AJAP1: variants seen among roughly 807,000 people sequenced by gnomAD.
The protein encoded by AJAP1 is adherens junctions associated protein 1, also known as adherens junction-associated protein 1.
AJAP1 carries 5 observed loss-of-function variants against 35.0 expected under a neutral mutation model. The ratio of observed to expected loss-of-function variants is 0.14; its 90% CI spans 0.07 to 0.30. The LOEUF (loss-of-function observed/expected upper bound fraction) is 0.30, where lower values mean the gene tolerates loss of function less well. Ranked by LOEUF, AJAP1 falls within the 10% of genes least tolerant of loss-of-function variation. The probability of loss-of-function intolerance (pLI) is 1.00; values close to 1 mark genes in which losing one functional copy is unlikely to be tolerated. For synonymous variants in AJAP1, 284 were observed against 249.3 expected (o/e 1.14, Z -1.31); for missense variants, 586 against 571.0 (o/e 1.03, Z -0.27).
In AJAP1 at chr1:4,655,804, G is replaced by T. The variant is rs1000419354; in HGVS notation, c.29+350G>T. 4.0e-5 allele frequency among the ~76,000 whole-genome samples: 6 copies of T among 148,944 alleles called. No individual in the cohort carries two copies. Among genetic ancestry groups the T allele is most frequent in the Non-Finnish European group, 9.0e-5 (6 of 66,892 alleles). On this transcript the variant is annotated intron_variant, in intron 1 of 5. Coordinates refer to ENST00000378191, the MANE Select transcript of AJAP1 (RefSeq NM_018836.4). The surrounding 1 kb of genome is among the most constrained non-coding windows in gnomAD (Gnocchi z 6.9). ...CGGCGCGCCTCCTCCCCGGGGCCCGGGGCGAGGCGCCGGCCGCTGGGCGCG... is the reference window on the plus strand; with the variant it reads ...CGGCGCGCCTCCTCCCCGGGGCCCGTGGCGAGGCGCCGGCCGCTGGGCGCG...
At chr1:4,765,091 C>T (rs143136915) in intron 2 of AJAP1, among the ~76,000 whole-genome samples, 34 of 152,206 alleles carry the variant, frequency 2.2e-4, no homozygotes, top group Non-Finnish European at 4.3e-4. Context: ...TATACAGTGG[C>T]GATTAACAGA....
chr1:4,745,644 G>A (rs1303460401), intron 2 of AJAP1, among the ~76,000 whole-genome samples: 1 of 152,218 alleles, frequency 6.6e-6, no homozygotes, highest in Non-Finnish European at 1.5e-5. Context: ...CCAGAGCACA[G>A]AGGATGGGAG....
chr1:4,766,519 A>G (rs1179767457), intron 2 of AJAP1, among the ~76,000 whole-genome samples: 3 of 152,164 alleles, frequency 2.0e-5, no homozygotes, highest in Admixed American at 6.5e-5. Context: ...GCTTCCTAGA[A>G]ATATTATTGG....
At chr1:4,698,840 C>T (rs997712156) in intron 1 of AJAP1, among the ~76,000 whole-genome samples, 5 of 152,210 alleles carry the variant, frequency 3.3e-5, no homozygotes, top group African/African-American at 1.2e-4. Flanking sequence ...CACACTGAGC[C>T]CCTCTCAGTG....
chr1:4,735,690 G>A (rs1414882338), intron 2 of AJAP1, among the ~76,000 whole-genome samples: 1 of 152,046 alleles, frequency 6.6e-6, no homozygotes, highest in Non-Finnish European at 1.5e-5. Flanking sequence ...CTGCTCCTCT[G>A]CTCCCTGAAG....
Position 4,655,647 on chromosome 1 carries a change from G to A in AJAP1, c.29+193G>A, listed in dbSNP as rs1312396319. Among the ~76,000 whole-genome samples the A allele has an allele frequency of 1.3e-5, 2 of 151,218 alleles. No homozygotes were observed. The highest frequency in any genetic ancestry group is 4.8e-5 in the African/African-American group (2 of 41,324). The stretch of plus-strand genomic sequence containing the variant: ...CAGCACCGCGGCCCTGGCGGGGAGC[G>A]GCCGGGTCTCCAGGGTTCCGCGCGT... On this transcript the variant is annotated intron_variant, in intron 1 of 5. Transcript: ENST00000378191. This position sits in a 1 kb window ranked among gnomAD's most constrained non-coding sequence, Gnocchi z 6.9.
chr1:4,668,977 TC>T (rs1639195084), intron 1 of AJAP1, among the ~76,000 whole-genome samples: 4 of 152,140 alleles, frequency 2.6e-5, no homozygotes, highest in Non-Finnish European at 5.9e-5. Flanking sequence ...ATAGTCAGAG[TC>T]AGTCAATGAG....
chr1:4,689,310 G>A (rs554214023), intron 1 of AJAP1, among the ~76,000 whole-genome samples: 2 of 152,300 alleles, frequency 1.3e-5, no homozygotes, highest in East Asian at 1.9e-4. Context: ...AGGGTTGCCC[G>A]ATTAACAACT....
At chr1:4,664,028 C>A (rs1002496618) in intron 1 of AJAP1, among the ~76,000 whole-genome samples, 1 of 152,128 alleles carries the variant, frequency 6.6e-6, no homozygotes, top group African/African-American at 2.4e-5. Context: ...ATGTAGCAGG[C>A]ACTGTTCTAT....
chr1:4,769,783 C>A, intron 2 of AJAP1, 70 bp from the exon 3 acceptor site: 1 of 1,391,472 alleles, frequency 7.2e-7, no homozygotes, highest in Non-Finnish European at 1.0e-6. Context: ...GCACCTCCAC[C>A]TTTCCCGGCC....
chr1:4,679,741 C>T (rs1471534523), intron 1 of AJAP1, among the ~76,000 whole-genome samples: 1 of 151,820 alleles, frequency 6.6e-6, no homozygotes, highest in Non-Finnish European at 1.5e-5. Flanking sequence ...CCACATGTGT[C>T]CTTGCCTCTT....
chr1:4,695,549 G>T (rs1029357249), intron 1 of AJAP1, among the ~76,000 whole-genome samples: 1 of 152,180 alleles, frequency 6.6e-6, no homozygotes, highest in Non-Finnish European at 1.5e-5. Flanking sequence ...CCTGGCTGCT[G>T]TGAGAAAGTA....
At chr1:4,746,157 G>C (rs559913520) in intron 2 of AJAP1, among the ~76,000 whole-genome samples, 1 of 152,144 alleles carries the variant, frequency 6.6e-6, no homozygotes, top group Non-Finnish European at 1.5e-5. Context: ...GCTGCTTCCA[G>C]CTTCTGGGGA....
chr1:4,735,712 C>T (rs1640906514), intron 2 of AJAP1, among the ~76,000 whole-genome samples: 1 of 152,194 alleles, frequency 6.6e-6, no homozygotes, highest in Non-Finnish European at 1.5e-5. Flanking sequence ...CCTACCCTGG[C>T]TTGACTCATG....
chr1:4,748,973 C>A (rs747757234), intron 2 of AJAP1, among the ~76,000 whole-genome samples: 9 of 152,134 alleles, frequency 5.9e-5, no homozygotes, highest in Non-Finnish European at 1.0e-4. Context: ...GTTTATAAGT[C>A]ACCCAATGTA....
intron 1 of AJAP1, among the ~76,000 whole-genome samples, chr1:4,658,731 A>C (rs1638937458): frequency 6.6e-6 from 1 of 152,180 alleles, no homozygotes; most frequent in African/African-American, 2.4e-5. Flanking sequence ...GACTCCTCCC[A>C]GTGTGTCCCT....
chr1:4,781,097 C>T (rs763031134), intron 5 of AJAP1, among the ~76,000 whole-genome samples: 11 of 152,138 alleles, frequency 7.2e-5, no homozygotes, highest in African/African-American at 9.7e-5. Context: ...TGATCAGAGA[C>T]GCAGTGCTGA....
chr1:4,708,501 G>A (rs1043315161), intron 1 of AJAP1, among the ~76,000 whole-genome samples: 1 of 152,224 alleles, frequency 6.6e-6, no homozygotes, highest in Non-Finnish European at 1.5e-5. Context: ...TGAAATGAGA[G>A]GTGCTCAGGG....
intron 2 of AJAP1, among the ~76,000 whole-genome samples, chr1:4,756,858 G>A (rs547004226): frequency 3.3e-4 from 50 of 152,222 alleles, no homozygotes; most frequent in African/African-American, 1.2e-3. Flanking sequence ...CCAGAATGCT[G>A]AGAAGGGTCT....
Sources: allele counts gnomAD v4.1 joint callset (sites outside exome capture counted in the v4.1 genomes callset), GRCh38; gene constraint gnomAD v4.1.1; non-coding constraint Gnocchi (gnomAD v3.1); transcripts MANE v1.5; gene names NCBI Gene and HGNC (gene_info 2026-07-23, HGNC 2026-07-21).